COL21A1: variants seen among roughly 807,000 people sequenced by gnomAD.
COL21A1 encodes the protein collagen type XXI alpha 1 chain, also known as collagen alpha-1(XXI) chain.
A neutral mutation model predicts 137.9 loss-of-function variants in COL21A1; 149 were observed. The ratio of observed to expected loss-of-function variants is 1.08; its 90% confidence interval spans 0.95 to 1.24. The LOEUF (loss-of-function observed/expected upper bound fraction) is 1.24. Ranked by LOEUF, COL21A1 falls within the 50% of genes most tolerant of loss-of-function variation. COL21A1 has a pLI of 0.00. For synonymous variants in COL21A1, 456 were observed against 391.5 expected (o/e 1.16, Z -1.95); for missense variants, 1,167 against 1,158.4 (o/e 1.01, Z -0.11).
At chr6:56,345,716 TG>T (rs1453005084) in intron 1 of COL21A1, among the ~76,000 whole-genome samples, 1 of 152,224 alleles carries the variant, frequency 6.6e-6, no homozygotes, top group African/African-American at 2.4e-5. Context: ...AAGGAGCCAG[TG>T]TGTCTTTCAA....
At chr6:56,268,719 A>T (rs973983147) in intron 1 of COL21A1, among the ~76,000 whole-genome samples, 1 of 152,192 alleles carries the variant, frequency 6.6e-6, no homozygotes, top group African/African-American at 2.4e-5. Flanking sequence ...CTGGCCATTC[A>T]AAAAGGCAAA....
intron 16 of COL21A1, among the ~76,000 whole-genome samples, chr6:56,122,921 A>T (rs1212990282): frequency 6.6e-6 from 1 of 152,248 alleles, no homozygotes; most frequent in African/African-American, 2.4e-5. Flanking sequence ...AGCTAGTTAG[A>T]GAAAGTCATT....
At chr6:56,113,294 T>C (rs1227574034) in intron 16 of COL21A1, among the ~76,000 whole-genome samples, 1 of 152,176 alleles carries the variant, frequency 6.6e-6, no homozygotes, top group Non-Finnish European at 1.5e-5. Flanking sequence ...GACCCCTTCC[T>C]TCTATAATCC....
intron 18 of COL21A1, among the ~76,000 whole-genome samples, chr6:56,076,454 T>G (rs1767251870): frequency 6.7e-6 from 1 of 149,954 alleles, no homozygotes; most frequent in Non-Finnish European, 1.5e-5. Context: ...AATTTAGAAT[T>G]AGATATGAGA....
chr6:56,352,282 C>T (rs879363228), intron 1 of COL21A1, among the ~76,000 whole-genome samples: 1 of 152,100 alleles, frequency 6.6e-6, no homozygotes, highest in Non-Finnish European at 1.5e-5. Context: ...AAAGCCAGAA[C>T]ATAAGGGAGG....
intron 12 of COL21A1, among the ~76,000 whole-genome samples, chr6:56,132,659 C>A (rs1000470770): frequency 6.6e-6 from 1 of 152,104 alleles, no homozygotes; most frequent in Non-Finnish European, 1.5e-5. Context: ...AATAAGAATG[C>A]TGGTATGGTT....
chr6:56,158,038 TA>T (rs547887778), intron 9 of COL21A1, among the ~76,000 whole-genome samples: 3 of 152,072 alleles, frequency 2.0e-5, no homozygotes, highest in Admixed American at 6.6e-5. Flanking sequence ...ACCATCCATG[TA>T]AAAAAAACAT....
At chr6:56,071,336 G>A (rs12207120) in intron 20 of COL21A1, among the ~76,000 whole-genome samples, 22,843 of 151,588 alleles carry the variant, frequency 0.15, 1,758 homozygotes, top group Middle Eastern at 0.22. Flanking sequence ...GTACAAGGCT[G>A]AGTTGACAGG....
In COL21A1 at chr6:56,168,271, T is replaced by A; in HGVS notation, c.1053A>T (p.Gln351His). 6.5e-7 allele frequency: 1 copy of A among 1,549,272 alleles called. No individual in the cohort carries two copies. Residue 351 changes from glutamine (Q) to histidine (H), a missense_variant, in exon 6 of 30, where the codon CAA becomes CAT. Gln to His is a conservative substitution (Grantham distance 24). Coordinates refer to ENST00000244728, the MANE Select transcript of COL21A1 (RefSeq NM_030820.4). ...CTTGTTCTGTTACTAAGAGACGAAT[T>A]TGGTGCCAGCCTTCATCAAACAACG... ...VKTLFDEGWHQIRLLVTEQDV... is the reference protein window; with the variant it reads ...VKTLFDEGWHHIRLLVTEQDV...
intron 17 of COL21A1, chr6:56,078,261 G>T: frequency 2.2e-6 from 1 of 454,918 alleles, no homozygotes; most frequent in South Asian, 1.6e-5. Context: ...TTTATTGCTT[G>T]CAGAAGAGTT....
At chr6:56,333,316 A>G (rs1002537559) in intron 1 of COL21A1, among the ~76,000 whole-genome samples, 23 of 116,666 alleles carry the variant, frequency 2.0e-4, no homozygotes, top group African/African-American at 7.5e-4. Flanking sequence ...CTTCCTAGGC[A>G]TCTGCTAATA....
At chr6:56,357,894 C>G (rs1415802171) in intron 1 of COL21A1, among the ~76,000 whole-genome samples, 1 of 152,108 alleles carries the variant, frequency 6.6e-6, no homozygotes, top group Non-Finnish European at 1.5e-5. Flanking sequence ...GGTAGTGAAA[C>G]AAGAACCTCA....
intron 1 of COL21A1, among the ~76,000 whole-genome samples, chr6:56,252,677 G>C (rs1352391513): frequency 1.3e-5 from 2 of 151,974 alleles, no homozygotes; most frequent in Admixed American, 1.3e-4. Context: ...GTTTAGCTTG[G>C]GTCACCTATT....
Position 56,123,752 on chromosome 6 carries a change from A to G in COL21A1, c.1758+310T>C, listed in dbSNP as rs555126252. 2.6e-5 allele frequency among the ~76,000 whole-genome samples: 4 copies of G among 152,292 alleles called. No individual in the cohort carries two copies. In the South Asian group the frequency reaches 8.3e-4, roughly 32 times the overall value. On this transcript the variant is annotated intron_variant, in intron 16 of 29. Transcript: ENST00000244728. ...GAAGACAGTTTCCCAGCCCACTGAA[A>G]CCTCAATCTTTGGGAGACACAGAAA...
At chr6:56,334,960 A>G (rs549950850) in intron 1 of COL21A1, among the ~76,000 whole-genome samples, 1 of 152,292 alleles carries the variant, frequency 6.6e-6, no homozygotes, top group Admixed American at 6.5e-5. Context: ...TTGAACTTCC[A>G]GGCCTTCAGA....
chr6:56,174,122 G>T (rs1022269110), intron 3 of COL21A1, among the ~76,000 whole-genome samples: 2 of 152,046 alleles, frequency 1.3e-5, no homozygotes, highest in Non-Finnish European at 2.9e-5. Context: ...GACAAAGTTA[G>T]AAAATACGTG....
intron 1 of COL21A1, among the ~76,000 whole-genome samples, chr6:56,275,615 A>G (rs1763625088): frequency 6.6e-6 from 1 of 152,226 alleles, no homozygotes; most frequent in Non-Finnish European, 1.5e-5. Flanking sequence ...ATATGAAAAA[A>G]AGATGCTCAA....
intron 23 of COL21A1, among the ~76,000 whole-genome samples, chr6:56,066,751 A>G (rs1014247936): frequency 1.3e-5 from 2 of 151,692 alleles, no homozygotes; most frequent in African/African-American, 4.8e-5. Flanking sequence ...AAGTAGTAAA[A>G]TAGGTCTCCT....
intron 1 of COL21A1, among the ~76,000 whole-genome samples, chr6:56,321,585 T>G (rs765520084): frequency 6.6e-6 from 1 of 152,200 alleles, no homozygotes; most frequent in Non-Finnish European, 1.5e-5. Context: ...AATTTTCTTA[T>G]TTGAGTTCAA....
Sources: allele counts gnomAD v4.1 joint callset (sites outside exome capture counted in the v4.1 genomes callset), GRCh38; gene constraint gnomAD v4.1.1; transcripts MANE v1.5; gene names NCBI Gene and HGNC (gene_info 2026-07-23, HGNC 2026-07-21).